The following OTOGL variants were observed in gnomAD, a reference collection of about 807,000 sequenced individuals.
The protein encoded by OTOGL is otogelin like, also known as otogelin-like protein.
Under a neutral mutation model 318.5 loss-of-function variants are expected in OTOGL, and 285 were observed. That is an observed-to-expected ratio of 0.89 (90% CI 0.81 to 0.99). The LOEUF is 0.99. Ranked by LOEUF, OTOGL falls within the 50% of genes least tolerant of loss-of-function variation. The probability of loss-of-function intolerance (pLI) is 0.00; values close to 1 mark genes in which losing one functional copy is unlikely to be tolerated. For missense variants in OTOGL, 2,899 were observed against 2,845.6 expected (o/e 1.02, Z -0.43); for synonymous variants, 987 against 936.5 (o/e 1.05, Z -0.99).
chr12:80,267,391 T>TTATA (rs764341167), intron 22 of OTOGL, 64 bp downstream of exon 22: 9 of 689,226 alleles, frequency 1.3e-5, no homozygotes, highest in African/African-American at 2.0e-5. Flanking sequence ...ATTCTTTCTT[T>TTATA]TATATATATA....
intron 2 of OTOGL, among the ~76,000 whole-genome samples, chr12:80,209,852 G>A (rs748532035): frequency 2.4e-4 from 36 of 152,022 alleles, no homozygotes; most frequent in Admixed American, 6.6e-4. Flanking sequence ...AGAAGAAGCT[G>A]TGATTCTAAC....
chr12:80,253,722 GA>G, intron 14 of OTOGL, 148 bp downstream of exon 14: 1 of 610,046 alleles, frequency 1.6e-6, no homozygotes, highest in South Asian at 2.5e-5. Context: ...CTCCTTGGGG[GA>G]AGGGACATCT....
chr12:80,106,514 C>T lies in OTOGL; in HGVS notation c.-20+6909C>T, dbSNP rs141631640. Among the ~76,000 whole-genome samples, 250 of 152,162 alleles carry T rather than the reference C, an allele frequency of 1.6e-3. 7 individuals carry two copies. In the East Asian group the frequency reaches 0.037, roughly 22 times the overall value. On this transcript the variant is annotated intron_variant, in intron 1 of 58. Coordinates refer to ENST00000547103, the MANE Select transcript of OTOGL (RefSeq NM_001378609.3). ...TTTTGGTAATTCCTTTTCTGTTCTT[C>T]TCCATATGTTTCCTAAACTGATTAT...
rs1888445638 is a variant in OTOGL, at chr12:80,336,904, A to T, written c.4768-8A>T. The T allele has an allele frequency of 6.4e-7, 1 of 1,568,354 alleles. No homozygotes were observed. Among genetic ancestry groups the T allele is most frequent in the Non-Finnish European group, 8.7e-7 (1 of 1,154,686 alleles). On this transcript the variant is annotated splice_region_variant and splice_polypyrimidine_tract_variant and intron_variant, in intron 41 of 58. Transcript: ENST00000547103. ...ACTCCGTAAAGTTTTAATTTTTTTC[A>T]AATTAAGGCTCCCTCTGGAAGAATC...
intron 1 of OTOGL, among the ~76,000 whole-genome samples, chr12:80,191,855 G>A (rs927410630): frequency 6.6e-6 from 1 of 152,174 alleles, no homozygotes; most frequent in Admixed American, 6.5e-5. Flanking sequence ...ACTAGAGACT[G>A]CTGTACCAGC....
At chr12:80,213,067 G>A (rs1877395936) in intron 4 of OTOGL, among the ~76,000 whole-genome samples, 1 of 152,220 alleles carries the variant, frequency 6.6e-6, no homozygotes, top group Non-Finnish European at 1.5e-5. Flanking sequence ...CTACTCCATA[G>A]GCAGAGCAGC....
chr12:80,129,559 G>A (rs1871105457), intron 1 of OTOGL, among the ~76,000 whole-genome samples: 2 of 152,002 alleles, frequency 1.3e-5, no homozygotes, highest in Admixed American at 1.3e-4. Flanking sequence ...TTTTTGTTTT[G>A]TAATGAGGGT....
At position 80,254,256 on chromosome 12, in the gene OTOGL, G is replaced by A. The variant is rs573622519; in HGVS notation, c.1395-268G>A. 4.6e-5 allele frequency among the ~76,000 whole-genome samples: 7 copies of A among 152,038 alleles called. No individual in the cohort carries two copies. In the South Asian group the frequency reaches 1.5e-3, roughly 32 times the overall value. On this transcript the variant is annotated intron_variant, in intron 14 of 58. Coordinates refer to ENST00000547103, the MANE Select transcript of OTOGL (RefSeq NM_001378609.3). ...CCTGTTGATCTTCATCATAGTCAGT[G>A]ATTTTTACATATGACACACAAGAGA...
intron 14 of OTOGL, among the ~76,000 whole-genome samples, 183 bp downstream of exon 14, chr12:80,253,757 C>G (rs1374744658): frequency 4.6e-5 from 7 of 152,098 alleles, no homozygotes; most frequent in Non-Finnish European, 5.9e-5. Flanking sequence ...TGATGTAATT[C>G]TTATCACTTA....
intron 24 of OTOGL, among the ~76,000 whole-genome samples, chr12:80,273,200 T>G (rs1883542714): frequency 6.6e-6 from 1 of 152,100 alleles, no homozygotes; most frequent in Admixed American, 6.6e-5. Flanking sequence ...TGGAATTGAC[T>G]TAGAGGCCTC....
chr12:80,249,953 T>G (rs764274070), intron 11 of OTOGL, among the ~76,000 whole-genome samples: 1 of 152,022 alleles, frequency 6.6e-6, no homozygotes, highest in Non-Finnish European at 1.5e-5. Flanking sequence ...AGCCCTTTCT[T>G]TGACTCGGAA....
chr12:80,328,883 C>T, intron 36 of OTOGL, 139 bp downstream of exon 36: 1 of 1,026,512 alleles, frequency 9.7e-7, no homozygotes. Context: ...TCTTACATAG[C>T]TTTTTTTCCC....
rs192403204 is a variant in OTOGL, at chr12:80,259,527, C to T, written c.1889+1525C>T. 1.7e-3 allele frequency among the ~76,000 whole-genome samples: 264 copies of T among 152,058 alleles called. 1 individual carries two copies. The highest frequency in any genetic ancestry group is 3.0e-3 in the Non-Finnish European group (207 of 67,964). On this transcript the variant is annotated intron_variant, in intron 18 of 58. Coordinates refer to ENST00000547103, the MANE Select transcript of OTOGL (RefSeq NM_001378609.3). ...AGGTATTTGTCTTAATGCTCTTCCTCCCCTAGCCCCACACCCCCAGACAGG... is the reference window on the plus strand; with the variant it reads ...AGGTATTTGTCTTAATGCTCTTCCTTCCCTAGCCCCACACCCCCAGACAGG...
At chr12:80,151,711 T>C (rs1313289801) in intron 1 of OTOGL, among the ~76,000 whole-genome samples, 3 of 152,110 alleles carry the variant, frequency 2.0e-5, no homozygotes, top group Non-Finnish European at 4.4e-5. Context: ...GAGGGAATGA[T>C]GGTGGTGAGA....
At chr12:80,183,732 T>C (rs1430621382) in intron 1 of OTOGL, among the ~76,000 whole-genome samples, 1 of 152,168 alleles carries the variant, frequency 6.6e-6, no homozygotes, top group Non-Finnish European at 1.5e-5. Context: ...TAGGTTAGGA[T>C]AGGCCGAGGG....
chr12:80,314,644 C>T (rs903304614), intron 32 of OTOGL, among the ~76,000 whole-genome samples: 3 of 152,042 alleles, frequency 2.0e-5, no homozygotes, highest in African/African-American at 7.2e-5. Context: ...GATGAAAGAT[C>T]TATAACAAAT....
In OTOGL at chr12:80,217,643, TG is replaced by T; in HGVS notation, c.218del (p.Gly73ValfsTer5). Reference sequence around the variant, plus strand: ...ATACTTTTTCCATGATGCTATTAATTGGGGTGAGAGCAAAATAAAAGGTCAG... The same window carrying T: ...ATACTTTTTCCATGATGCTATTAATTGGGTGAGAGCAAAATAAAAGGTCAG... Reference protein sequence around the residue: ...PRYFFHDAINWGESKIKGSCP... With the variant: ...PRYFFHDAINXGESKIKGSCP... On this transcript the variant is annotated frameshift_variant, in exon 5 of 59. Transcript: ENST00000547103. LOFTEE classifies it high-confidence loss of function. 1 of 1,553,050 alleles carries T rather than the reference TG, an allele frequency of 6.4e-7. No individual in the cohort carries two copies. Among genetic ancestry groups the T allele is most frequent in the Non-Finnish European group, 8.7e-7 (1 of 1,147,464 alleles).
intron 32 of OTOGL, among the ~76,000 whole-genome samples, chr12:80,315,338 T>C (rs1026203): frequency 0.96 from 146,766 of 152,306 alleles, 70,801 homozygotes; most frequent in Middle Eastern, 1. Flanking sequence ...ATGAAAATCT[T>C]CTAATCTCAG....
chr12:80,161,618 G>T (rs1873522251), intron 1 of OTOGL, among the ~76,000 whole-genome samples: 1 of 152,044 alleles, frequency 6.6e-6, no homozygotes, highest in Admixed American at 6.6e-5. Flanking sequence ...GAATATAGGG[G>T]AAGGGAAGGG....
Sources: gnomAD v4.1 joint callset for allele counts (sites outside exome capture counted in the v4.1 genomes callset) on GRCh38, gnomAD v4.1.1 for gene constraint, MANE v1.5 for transcripts, NCBI Gene and HGNC (gene_info 2026-07-23, HGNC 2026-07-21) for gene names.